STK32B: variants seen among roughly 807,000 people sequenced by gnomAD.
The protein encoded by STK32B is serine/threonine-protein kinase 32B.
In STK32B, 43 loss-of-function variants were observed where a neutral mutation model predicts 52.6. The ratio of observed to expected loss-of-function variants is 0.82; its 90% CI spans 0.64 to 1.05. The LOEUF (loss-of-function observed/expected upper bound fraction) is 1.05, where lower values mean the gene tolerates loss of function less well. Ranked by LOEUF, STK32B falls within the 50% of genes least tolerant of loss-of-function variation. STK32B has a pLI of 0.00. For synonymous variants in STK32B, 238 were observed against 204.3 expected (o/e 1.17, Z -1.41); for missense variants, 621 against 534.6 (o/e 1.16, Z -1.59).
intron 11 of STK32B, among the ~76,000 whole-genome samples, chr4:5,468,960 G>A (rs1437761169): frequency 6.6e-6 from 1 of 151,628 alleles, no homozygotes; most frequent in Non-Finnish European, 1.5e-5. Flanking sequence ...TGAGGCAGGA[G>A]AATGGTGTGA....
intron 9 of STK32B, among the ~76,000 whole-genome samples, chr4:5,464,766 G>T (rs779408985): frequency 6.6e-5 from 10 of 152,186 alleles, no homozygotes; most frequent in Non-Finnish European, 1.2e-4. Flanking sequence ...GTGAGAAATT[G>T]AGAGTTTGAA....
intron 11 of STK32B, among the ~76,000 whole-genome samples, chr4:5,474,100 C>G (rs960056411): frequency 1.3e-5 from 2 of 151,862 alleles, no homozygotes; most frequent in Non-Finnish European, 2.9e-5. Context: ...GGAGACAGAG[C>G]GAGACTCTGT....
At chr4:5,024,947 CT>C in the STK32B span, among the ~76,000 whole-genome samples, 1 of 152,142 alleles carries the variant, frequency 6.6e-6, no homozygotes, top group Non-Finnish European at 1.5e-5. Context: ...ACAGCCAGAG[CT>C]TTGCATGCAA....
intron 1 of STK32B, among the ~76,000 whole-genome samples, chr4:5,075,252 A>G (rs1712010140): frequency 6.6e-6 from 1 of 152,202 alleles, no homozygotes; most frequent in Non-Finnish European, 1.5e-5. Flanking sequence ...TGTTGCCACT[A>G]GTACAGCACA....
chr4:5,206,525 A>G (rs867816063), intron 3 of STK32B, among the ~76,000 whole-genome samples: 2 of 152,118 alleles, frequency 1.3e-5, no homozygotes, highest in Non-Finnish European at 2.9e-5. Context: ...AACAACAGTC[A>G]TTACCTCTCA....
At chr4:5,333,267 C>A (rs1433778261) in intron 4 of STK32B, among the ~76,000 whole-genome samples, 1 of 152,122 alleles carries the variant, frequency 6.6e-6, no homozygotes, top group East Asian at 1.9e-4. Flanking sequence ...CATTTGGCTG[C>A]ATAAATGTCT....
At chr4:5,436,793 G>C (rs1446277538) in intron 6 of STK32B, among the ~76,000 whole-genome samples, 1 of 152,120 alleles carries the variant, frequency 6.6e-6, no homozygotes, top group African/African-American at 2.4e-5. Context: ...CTACTGGGTG[G>C]TTGAGGCAAG....
intron 1 of STK32B, among the ~76,000 whole-genome samples, chr4:5,125,918 A>G (rs1715335634): frequency 6.6e-6 from 1 of 152,052 alleles, no homozygotes; most frequent in African/African-American, 2.4e-5. Flanking sequence ...ATCTGCCCCC[A>G]TCAGATCTAC....
At chr4:5,405,500 G>C (rs558197705) in intron 5 of STK32B, among the ~76,000 whole-genome samples, 1 of 152,274 alleles carries the variant, frequency 6.6e-6, no homozygotes, top group East Asian at 1.9e-4. Context: ...GGCTGTGTTA[G>C]TCCATTCTCA....
chr4:5,267,863 C>A (rs1022211101), intron 3 of STK32B, among the ~76,000 whole-genome samples: 2 of 152,210 alleles, frequency 1.3e-5, no homozygotes, highest in African/African-American at 4.8e-5. Flanking sequence ...CTCAGCTCCA[C>A]CATCTCTGGA....
chr4:5,324,975 C>T (rs1731775898), intron 3 of STK32B, among the ~76,000 whole-genome samples: 1 of 152,188 alleles, frequency 6.6e-6, no homozygotes, highest in African/African-American at 2.4e-5. Flanking sequence ...TGAGTACTTG[C>T]TGCTGTGCGT....
At chr4:5,139,244 G>C (rs1378471063) in intron 1 of STK32B, among the ~76,000 whole-genome samples, 1 of 152,194 alleles carries the variant, frequency 6.6e-6, no homozygotes, top group African/African-American at 2.4e-5. Context: ...TATAGGACCA[G>C]TGAACGTTGA....
chr4:5,488,445 C>A (rs529634507), intron 11 of STK32B, among the ~76,000 whole-genome samples: 13 of 151,504 alleles, frequency 8.6e-5, no homozygotes, highest in African/African-American at 3.1e-4. Flanking sequence ...ATATAGGGAA[C>A]TTTTTTTTTA....
intron 3 of STK32B, among the ~76,000 whole-genome samples, chr4:5,179,651 A>C (rs1423035405): frequency 2.0e-5 from 3 of 152,226 alleles, no homozygotes; most frequent in Non-Finnish European, 4.4e-5. Flanking sequence ...GCTACAAGTT[A>C]AAAGGAGAAA....
At chr4:5,326,845 T>G (rs1731910961) in intron 3 of STK32B, among the ~76,000 whole-genome samples, 1 of 152,190 alleles carries the variant, frequency 6.6e-6, no homozygotes, top group African/African-American at 2.4e-5. Flanking sequence ...GAGTCTTCAC[T>G]TCATGAAATA....
intron 11 of STK32B, among the ~76,000 whole-genome samples, chr4:5,495,988 T>TG (rs539094131): frequency 0.038 from 5,790 of 152,258 alleles, 362 homozygotes; most frequent in African/African-American, 0.13. Flanking sequence ...CTGCCCCTAC[T>TG]GGGGGGTGCC....
chr4:5,460,350 G>A lies in STK32B; in HGVS notation c.909+122G>A. 7.0e-7 allele frequency: 1 copy of A among 1,431,644 alleles called. No individual in the cohort carries two copies. Among genetic ancestry groups the A allele is most frequent in the Non-Finnish European group, 9.4e-7 (1 of 1,066,384 alleles). The allele number at this position is 1,431,644 out of a possible 1,614,324, so 88.7% of individuals were successfully genotyped here. The stretch of plus-strand genomic sequence containing the variant: ...CTGGCCACTTCCACCTGAGCACCAA[G>A]GGCTTATGTCTTGCTGGAATTCAGG... On this transcript the variant is annotated intron_variant, in intron 9 of 11. Coordinates refer to ENST00000282908, the MANE Select transcript of STK32B (RefSeq NM_018401.3). The surrounding 1 kb of genome is among the most constrained non-coding windows in gnomAD (Gnocchi z 4.8).
At chr4:5,086,213 G>A (rs1051057869) in intron 1 of STK32B, among the ~76,000 whole-genome samples, 2 of 152,184 alleles carry the variant, frequency 1.3e-5, no homozygotes, top group African/African-American at 2.4e-5. Flanking sequence ...AAAGACTTGA[G>A]GAAGCCCCAG....
chr4:5,189,418 T>C (rs1481352953), intron 3 of STK32B, among the ~76,000 whole-genome samples: 2 of 152,228 alleles, frequency 1.3e-5, no homozygotes, highest in Non-Finnish European at 2.9e-5. Flanking sequence ...GTGTAGACTT[T>C]TCAGATTGGC....
Sources: gnomAD v4.1 joint callset for allele counts (sites outside exome capture counted in the v4.1 genomes callset) on GRCh38, gnomAD v4.1.1 for gene constraint, Gnocchi (gnomAD v3.1) non-coding constraint, MANE v1.5 for transcripts, NCBI Gene and HGNC (gene_info 2026-07-23, HGNC 2026-07-21) for gene names.